Variants in ZRANB3 observed in about 807,000 individuals in gnomAD.
ZRANB3 encodes zinc finger RANBP2-type containing 3.
In ZRANB3, 125 loss-of-function variants were observed where a neutral mutation model predicts 133.8. That is an observed-to-expected ratio of 0.93 (90% CI 0.81 to 1.08). The LOEUF is 1.08. Among genes scored for constraint, ZRANB3 ranks in the 50% least tolerant of loss-of-function variants. The pLI is 0.00. For synonymous variants in ZRANB3, 387 were observed against 432.7 expected (o/e 0.89, Z 1.31); for missense variants, 1,229 against 1,275.5 (o/e 0.96, Z 0.56).
intron 8 of ZRANB3, among the ~76,000 whole-genome samples, chr2:135,277,562 A>C (rs1222783367): frequency 6.6e-6 from 1 of 152,244 alleles, no homozygotes; most frequent in Admixed American, 6.5e-5. Flanking sequence ...GAAATGAAAA[A>C]TATAATAGCA....
chr2:135,457,472 GTCTT>G (rs753998629), intron 2 of ZRANB3, among the ~76,000 whole-genome samples: 1 of 152,048 alleles, frequency 6.6e-6, no homozygotes, highest in Non-Finnish European at 1.5e-5. Flanking sequence ...ACTTACTATT[GTCTT>G]TCTTTTTGAT....
At chr2:135,294,026 G>C (rs538246969) in intron 8 of ZRANB3, among the ~76,000 whole-genome samples, 246 of 152,290 alleles carry the variant, frequency 1.6e-3, no homozygotes, top group African/African-American at 5.8e-3. Flanking sequence ...TTTTGCATCA[G>C]TGTTCATCAA....
intron 2 of ZRANB3, among the ~76,000 whole-genome samples, chr2:135,473,928 T>G (rs576528339): frequency 6.6e-6 from 1 of 152,178 alleles, no homozygotes; most frequent in East Asian, 1.9e-4. Flanking sequence ...CTCATGCTTG[T>G]AATTCCAGCA....
At chr2:135,489,073 C>T (rs1692258274) in intron 2 of ZRANB3, among the ~76,000 whole-genome samples, 2 of 151,686 alleles carry the variant, frequency 1.3e-5, no homozygotes, top group South Asian at 2.1e-4. Context: ...TGACCTTTTG[C>T]AAACAGTATG....
chr2:135,321,050 T>G (rs1188921010), intron 6 of ZRANB3, among the ~76,000 whole-genome samples: 1 of 152,218 alleles, frequency 6.6e-6, no homozygotes, highest in African/African-American at 2.4e-5. Context: ...ATCACATTAG[T>G]TGAAGGACAT....
At chr2:135,240,094 T>G (rs1695486053) in intron 12 of ZRANB3, among the ~76,000 whole-genome samples, 1 of 151,934 alleles carries the variant, frequency 6.6e-6, no homozygotes, top group Admixed American at 6.6e-5. Flanking sequence ...TGTAGTCCAG[T>G]ACATTGGGAA....
intron 2 of ZRANB3, among the ~76,000 whole-genome samples, chr2:135,482,683 C>T (rs1471401326): frequency 1.3e-5 from 2 of 152,190 alleles, no homozygotes; most frequent in African/African-American, 4.8e-5. Context: ...GAGGGCATCC[C>T]TGTCTTGTGC....
At chr2:135,430,318 T>C (rs1339268230) in intron 2 of ZRANB3, among the ~76,000 whole-genome samples, 1 of 152,142 alleles carries the variant, frequency 6.6e-6, no homozygotes, top group Admixed American at 6.5e-5. Flanking sequence ...TTTTCTTCAC[T>C]ACATTCAACA....
At chr2:135,351,265 C>CTTTTTTT (rs34205567) in intron 4 of ZRANB3, among the ~76,000 whole-genome samples, 1 of 119,702 alleles carries the variant, frequency 8.4e-6, no homozygotes, top group Non-Finnish European at 1.7e-5. Context: ...CTATAATTTT[C>CTTTTTTT]TTTTTTTTTT....
intron 2 of ZRANB3, among the ~76,000 whole-genome samples, chr2:135,455,846 G>A (rs936837772): frequency 1.3e-5 from 2 of 151,752 alleles, no homozygotes; most frequent in African/African-American, 2.4e-5. Flanking sequence ...CACCCACCTC[G>A]GCCTCCCAAA....
intron 15 of ZRANB3, among the ~76,000 whole-genome samples, chr2:135,220,859 T>TA (rs1694521314): frequency 7.0e-6 from 1 of 142,746 alleles, no homozygotes; most frequent in South Asian, 2.3e-4. Flanking sequence ...TAGGAATTTA[T>TA]TTTTTTTTTT....
chr2:135,310,488 T>C (rs1018024760), intron 8 of ZRANB3, among the ~76,000 whole-genome samples: 2 of 152,114 alleles, frequency 1.3e-5, no homozygotes, highest in Non-Finnish European at 2.9e-5. Flanking sequence ...CTGCTACCTT[T>C]ATTTTGTAGC....
At chr2:135,275,589 A>G (rs1469735704) in intron 9 of ZRANB3, 47 bp downstream of exon 9, 2 of 1,491,608 alleles carry the variant, frequency 1.3e-6, no homozygotes, top group East Asian at 2.4e-5. Context: ...TTAGTATAGT[A>G]AAAATATGCA....
At chr2:135,515,335 T>C (rs1021804402) in intron 1 of ZRANB3, among the ~76,000 whole-genome samples, 4 of 152,072 alleles carry the variant, frequency 2.6e-5, no homozygotes, top group African/African-American at 9.7e-5. Flanking sequence ...ATCTTAGTTA[T>C]TTCTTATCTT....
rs1558936003 is a variant in ZRANB3, at chr2:135,350,181, A to AACCCAGAACTGTCACTTTACTGGTCG, written c.368_393dup (p.Tyr132ArgfsTer5). 2 of 1,605,828 alleles carry AACCCAGAACTGTCACTTTACTGGTCG rather than the reference A, an allele frequency of 1.2e-6. No individual in the cohort carries two copies. The highest frequency in any genetic ancestry group is 1.7e-6 in the Non-Finnish European group (2 of 1,175,696). On this transcript the variant is annotated stop_gained and frameshift_variant, in exon 5 of 21. Transcript: ENST00000264159. LOFTEE classifies it high-confidence loss of function. ...TTTGCATCTGCGGTTAAGAGACCAT[A>AACCCAGAACTGTCACTTTACTGGTCG]ACCCAGAACTGTCACTTTACTGGTC...
chr2:135,333,629 T>C (rs1684248351), intron 6 of ZRANB3, among the ~76,000 whole-genome samples: 1 of 152,160 alleles, frequency 6.6e-6, no homozygotes, highest in South Asian at 2.1e-4. Flanking sequence ...TTATAGGGAC[T>C]AGGGGAGGCG....
At chr2:135,391,230 G>A (rs1027311245) in intron 2 of ZRANB3, among the ~76,000 whole-genome samples, 4 of 152,188 alleles carry the variant, frequency 2.6e-5, no homozygotes, top group South Asian at 2.1e-4. Context: ...AAAGTAGTAA[G>A]CCAGAGAGAG....
Position 135,414,845 on chromosome 2 carries a change from T to A in ZRANB3, c.162-24025A>T, listed in dbSNP as rs553540293. 2.6e-5 allele frequency among the ~76,000 whole-genome samples: 4 copies of A among 152,252 alleles called. No homozygotes were observed. In the East Asian group the frequency reaches 7.7e-4, roughly 29 times the overall value. On this transcript the variant is annotated intron_variant, in intron 2 of 20. Transcript: ENST00000264159. ...ACATGGAAACTGAACAACCTGCTCC[T>A]GAATGACTACTGGGTATATAACAAA... is the stretch of plus-strand genomic sequence containing the variant.
intron 12 of ZRANB3, among the ~76,000 whole-genome samples, chr2:135,240,289 G>C (rs568513115): frequency 6.6e-6 from 1 of 152,298 alleles, no homozygotes; most frequent in African/African-American, 2.4e-5. Flanking sequence ...ACCAGTCTGG[G>C]CAACATGGCA....
Sources: gnomAD v4.1 joint callset for allele counts (sites outside exome capture counted in the v4.1 genomes callset) on GRCh38, gnomAD v4.1.1 for gene constraint, MANE v1.5 for transcripts, NCBI Gene and HGNC (gene_info 2026-07-23, HGNC 2026-07-21) for gene names.